NOMO1: variants seen among roughly 807,000 people sequenced by gnomAD.
The protein encoded by NOMO1 is NODAL modulator 1.
A neutral mutation model predicts 133.8 loss-of-function variants in NOMO1; 40 were observed. That is an observed-to-expected ratio of 0.30 (90% confidence interval 0.23 to 0.39). The LOEUF is 0.39. Ranked by LOEUF, NOMO1 falls within the 10% of genes least tolerant of loss-of-function variation. The pLI is 1.00. For synonymous variants in NOMO1, 236 were observed against 570.5 expected (o/e 0.41, Z 8.36); for missense variants, 462 against 1,419.9 (o/e 0.33, Z 10.84).
rs1169770792 is a variant in NOMO1 at position 14,836,567 on chromosome 16, T to C, written c.166-1840T>C. Among the ~76,000 whole-genome samples, 4 of 151,896 alleles carry C rather than the reference T, an allele frequency of 2.6e-5. No individual in the cohort carries two copies. In the East Asian group the frequency reaches 5.8e-4, roughly 22 times the overall value. ...ACATGGAAACTGAGCCTCAGAGTGG[T>C]TGAGCTGTGCAGGTACATTTAGGAA... On this transcript the variant is annotated intron_variant, in intron 1 of 30. Transcript: ENST00000287667.
intron 9 of NOMO1, among the ~76,000 whole-genome samples, chr16:14,856,356 C>G (rs576723357): frequency 6.6e-6 from 1 of 152,170 alleles, no homozygotes; most frequent in East Asian, 1.9e-4. Flanking sequence ...GACACAGACA[C>G]AGACACATGG....
At chr16:14,836,814 T>C (rs1056957333) in intron 1 of NOMO1, among the ~76,000 whole-genome samples, 10 of 149,590 alleles carry the variant, frequency 6.7e-5, no homozygotes, top group Non-Finnish European at 1.3e-4. Flanking sequence ...CACGCCATTC[T>C]CCTGCCTCAG....
At chr16:14,839,358 C>G (rs1963570485) in intron 2 of NOMO1, among the ~76,000 whole-genome samples, 1 of 152,010 alleles carries the variant, frequency 6.6e-6, no homozygotes, top group South Asian at 2.1e-4. Flanking sequence ...TTCCGGCCCT[C>G]TTATAAAATT....
At chr16:14,870,033 C>T (rs1964059576) in intron 16 of NOMO1, among the ~76,000 whole-genome samples, 3 of 150,564 alleles carry the variant, frequency 2.0e-5, no homozygotes, top group Admixed American at 6.6e-5. Flanking sequence ...AAAATACAAA[C>T]TCCTTAACCT....
At chr16:14,869,238 T>C (rs1216250108) in intron 16 of NOMO1, among the ~76,000 whole-genome samples, 50 of 151,834 alleles carry the variant, frequency 3.3e-4, no homozygotes, top group African/African-American at 6.1e-4. Context: ...GCACCCAACC[T>C]TCTCTCTCTT....
At chr16:14,843,446 A>T (rs1212366332) in intron 3 of NOMO1, among the ~76,000 whole-genome samples, 1 of 151,890 alleles carries the variant, frequency 6.6e-6, no homozygotes, top group Admixed American at 6.6e-5. Context: ...AAACATCCAA[A>T]GTGGATGCAC....
intron 22 of NOMO1, among the ~76,000 whole-genome samples, chr16:14,878,371 A>G (rs1187357627): frequency 8.0e-6 from 1 of 125,760 alleles, no homozygotes; most frequent in East Asian, 2.4e-4. Context: ...GTGTGCGCCT[A>G]TAGTCCCATC....
Position 14,870,021 on chromosome 16 carries a change from A to T in NOMO1, c.1894+1386A>T, listed in dbSNP as rs946894736. Among the ~76,000 whole-genome samples, 4 of 150,992 alleles carry T rather than the reference A, an allele frequency of 2.6e-5. 1 individual carries two copies. The highest frequency in any genetic ancestry group is 4.4e-5 in the Non-Finnish European group (3 of 67,802). On this transcript the variant is annotated intron_variant, in intron 16 of 30. Transcript: ENST00000287667. ...GTGGCTCCTCTGTTTGGTTCCCAAG[A>T]TAAAATACAAACTCCTTAACCTGAT...
chr16:14,882,828 A>G (rs1418379587), intron 26 of NOMO1, 151 bp downstream of exon 26: 3 of 1,515,762 alleles, frequency 2.0e-6, no homozygotes, highest in African/African-American at 1.4e-5. Flanking sequence ...CATCTTCACA[A>G]GCAGCATCTT....
chr16:14,862,248 T>G (rs1413121842), intron 11 of NOMO1: 1 of 151,988 alleles, frequency 6.6e-6, no homozygotes, highest in Non-Finnish European at 1.5e-5. Context: ...GGATGTACTA[T>G]TACACTTTAA....
At chr16:14,836,621 C>T (rs1393838400) in intron 1 of NOMO1, among the ~76,000 whole-genome samples, 9 of 151,302 alleles carry the variant, frequency 5.9e-5, no homozygotes, top group South Asian at 2.1e-4. Context: ...ATGTTCCCTA[C>T]GTATTACACT....
intron 9 of NOMO1, among the ~76,000 whole-genome samples, chr16:14,856,860 A>G (rs555108035): frequency 5.9e-5 from 9 of 151,670 alleles, no homozygotes; most frequent in Admixed American, 4.6e-4. Flanking sequence ...TGTGCATGGG[A>G]GACTGGAGGA....
At chr16:14,888,509 G>T (rs9646275) in intron 28 of NOMO1, 1,828 of 157,546 alleles carry the variant, frequency 0.012, 21 homozygotes, top group Middle Eastern at 0.044. Flanking sequence ...AAGCAGCCGC[G>T]GGCCTCATGC....
intron 11 of NOMO1, among the ~76,000 whole-genome samples, chr16:14,861,697 G>C (rs865782754): frequency 6.6e-6 from 1 of 151,184 alleles, no homozygotes; most frequent in African/African-American, 2.4e-5. Context: ...TTTAGGCTGC[G>C]TGAGCCATAC....
Position 14,889,214 on chromosome 16 carries a change from C to A in NOMO1, c.3443C>A (p.Thr1148Lys). 6.2e-7 allele frequency: 1 copy of A among 1,611,376 alleles called. No individual in the cohort carries two copies. Among genetic ancestry groups the A allele is most frequent in the South Asian group, 1.1e-5 (1 of 90,930 alleles). Residue 1148 changes from threonine (T) to lysine (K), a missense_variant and splice_region_variant, in exon 29 of 31, where the codon ACG becomes AAG. Thr to Lys is a moderately conservative substitution (Grantham distance 78). Coordinates refer to ENST00000287667, the MANE Select transcript of NOMO1 (RefSeq NM_014287.4). ...HKHITLIFNPTRKLPEQDIAQ... is the reference protein window; with the variant it reads ...HKHITLIFNPKRKLPEQDIAQ... ...CACATCACCTTGATTTTTAATCCCA[C>A]GGTAAGTAAAAGAGGGAGTTAAAAA... is the stretch of plus-strand genomic sequence containing the variant.
Position 14,864,583 on chromosome 16 carries a change from A to G in NOMO1, c.1396-2A>G, listed in dbSNP as rs768790840. On this transcript the variant is annotated splice_acceptor_variant, in intron 12 of 30. Coordinates refer to ENST00000287667, the MANE Select transcript of NOMO1 (RefSeq NM_014287.4). LOFTEE classifies it high-confidence loss of function. The stretch of plus-strand genomic sequence containing the variant: ...TCTAACGTTCCATCCACGTTTCCAC[A>G]GGTGATGGTTCCTGAGGCAGAAACC... 1.9e-6 allele frequency: 3 copies of G among 1,612,890 alleles called. No individual in the cohort carries two copies. The highest frequency in any genetic ancestry group is 2.5e-6 in the Non-Finnish European group (3 of 1,179,412).
At position 14,866,525 on chromosome 16, in the gene NOMO1, T is replaced by G. The variant is rs375051004; in HGVS notation, c.1670-30T>G. 5.6e-6 allele frequency: 9 copies of G among 1,610,160 alleles called. 1 individual carries two copies. The highest frequency in any genetic ancestry group is 7.6e-6 in the Non-Finnish European group (9 of 1,179,748). On this transcript the variant is annotated intron_variant, in intron 14 of 30. Coordinates refer to ENST00000287667, the MANE Select transcript of NOMO1 (RefSeq NM_014287.4). ...AGGGAGGTGGTGTGCTCCACGCCCA[T>G]GTATCCGTTTTTGGTGTTTGCTTTT...
chr16:14,842,959 C>T (rs915047701), intron 3 of NOMO1, among the ~76,000 whole-genome samples: 64 of 147,718 alleles, frequency 4.3e-4, no homozygotes, highest in Non-Finnish European at 3.3e-4. Context: ...GACTGAGTCT[C>T]GCTCTGTTGC....
rs1243833874 is a variant in NOMO1 at position 14,880,087 on chromosome 16, G to C, written c.2830G>C (p.Val944Leu). The C allele has an allele frequency of 6.2e-7, 1 of 1,610,542 alleles. No homozygotes were observed. The highest frequency in any genetic ancestry group is 1.3e-5 in the African/African-American group (1 of 74,276). Residue 944 changes from valine (V) to leucine (L), a missense_variant, in exon 24 of 31, where the codon GTG (valine) becomes CTG (leucine). Physicochemically the swap from Val to Leu is conservative, Grantham distance 32. Transcript: ENST00000287667. ...TGAGCCATCCTCACAGATGATCGAG[G>C]TGCAGGAAGGCCAGAACCTGAAGAT... Reference protein sequence around the residue: ...RFEPSSQMIEVQEGQNLKITI... With the variant: ...RFEPSSQMIELQEGQNLKITI...
Sources: allele counts gnomAD v4.1 joint callset (sites outside exome capture counted in the v4.1 genomes callset), GRCh38; gene constraint gnomAD v4.1.1; transcripts MANE v1.5; gene names NCBI Gene and HGNC (gene_info 2026-07-23, HGNC 2026-07-21).